Variants in FSTL4 observed in about 807,000 individuals in gnomAD.
FSTL4 encodes follistatin-related protein 4.
A neutral mutation model predicts 78.2 loss-of-function variants in FSTL4; 28 were observed. The observed-to-expected ratio is 0.36, with a 90% CI of 0.27 to 0.49. The LOEUF is 0.49. Ranked by LOEUF, FSTL4 falls within the 20% of genes least tolerant of loss-of-function variation. FSTL4 has a pLI of 0.98. For missense variants in FSTL4, 922 were observed against 1,084.9 expected (o/e 0.85, Z 2.11); for synonymous variants, 422 against 440.5 (o/e 0.96, Z 0.53).
At chr5:133,779,560 T>A in the FSTL4 span, among the ~76,000 whole-genome samples, 6 of 152,090 alleles carry the variant, frequency 3.9e-5, no homozygotes, top group Non-Finnish European at 8.8e-5. Context: ...CATTTCAGCG[T>A]GGGCGACAGA....
intron 3 of FSTL4, among the ~76,000 whole-genome samples, chr5:133,446,265 C>T (rs1757263111): frequency 6.6e-6 from 1 of 152,170 alleles, no homozygotes; most frequent in African/African-American, 2.4e-5. Context: ...CATGGCGAAA[C>T]CCTGTCTCTA....
At chr5:133,651,187 A>T in the FSTL4 span, among the ~76,000 whole-genome samples, 1 of 152,148 alleles carries the variant, frequency 6.6e-6, no homozygotes, top group Non-Finnish European at 1.5e-5. Context: ...GCACACAAAA[A>T]TAGTTTCATT....
chr5:133,603,824 T>A, intron 2 of FSTL4, 34 bp downstream of exon 2: 1 of 1,607,638 alleles, frequency 6.2e-7, no homozygotes, highest in East Asian at 2.2e-5. Context: ...AGCAATCAGT[T>A]TGAAATGTTA....
At chr5:133,606,141 A>C (rs1385920436) in intron 1 of FSTL4, among the ~76,000 whole-genome samples, 1 of 152,148 alleles carries the variant, frequency 6.6e-6, no homozygotes, top group Non-Finnish European at 1.5e-5. Context: ...TTTTCTTGAG[A>C]TGGAGTTTCA....
chr5:133,447,181 G>A (rs1301102143), intron 3 of FSTL4, among the ~76,000 whole-genome samples: 1 of 152,218 alleles, frequency 6.6e-6, no homozygotes, highest in Non-Finnish European at 1.5e-5. Flanking sequence ...TTGGTGAGGT[G>A]TCACCACCAG....
At chr5:133,793,465 C>T in the FSTL4 span, among the ~76,000 whole-genome samples, 8 of 152,244 alleles carry the variant, frequency 5.3e-5, no homozygotes, top group Non-Finnish European at 1.2e-4. Context: ...ATAGGCACTA[C>T]GTTCCCCATT....
chr5:133,596,342 G>C (rs1293969212), intron 2 of FSTL4, among the ~76,000 whole-genome samples: 1 of 152,224 alleles, frequency 6.6e-6, no homozygotes, highest in Non-Finnish European at 1.5e-5. Context: ...CCTCACAGGT[G>C]GGGAGGCGCT....
chr5:133,794,296 A>G, the FSTL4 span, among the ~76,000 whole-genome samples: 1 of 152,248 alleles, frequency 6.6e-6, no homozygotes, highest in Non-Finnish European at 1.5e-5. Context: ...AGCAGACCCC[A>G]CCACGGTTAC....
intron 3 of FSTL4, among the ~76,000 whole-genome samples, chr5:133,455,880 G>A (rs1561723900): frequency 6.6e-6 from 1 of 152,206 alleles, no homozygotes. Context: ...TGCCAGGAAG[G>A]GAATGCCTCC....
the FSTL4 span, among the ~76,000 whole-genome samples, chr5:133,699,339 G>C: frequency 6.6e-6 from 1 of 151,890 alleles, no homozygotes; most frequent in East Asian, 1.9e-4. Context: ...TAAAAACCAG[G>C]CACTCCCCCT....
intron 3 of FSTL4, among the ~76,000 whole-genome samples, chr5:133,430,082 G>A (rs1756903449): frequency 6.6e-6 from 1 of 152,198 alleles, no homozygotes; most frequent in Admixed American, 6.5e-5. Context: ...AAAATGTGAG[G>A]TGCAATTTTT....
At chr5:133,513,776 T>C (rs979383350) in intron 3 of FSTL4, among the ~76,000 whole-genome samples, 4 of 152,088 alleles carry the variant, frequency 2.6e-5, no homozygotes, top group Admixed American at 6.5e-5. Flanking sequence ...GAGTAGAATC[T>C]GTACATTGCG....
chr5:133,617,653 C>A, the FSTL4 span, among the ~76,000 whole-genome samples: 1 of 152,316 alleles, frequency 6.6e-6, no homozygotes, highest in Admixed American at 6.5e-5. Flanking sequence ...CTTTCCCCTT[C>A]CCTGCACCTG....
the FSTL4 span, among the ~76,000 whole-genome samples, chr5:133,716,399 ATT>A: frequency 1.3e-5 from 2 of 149,548 alleles, no homozygotes; most frequent in East Asian, 1.9e-4. Flanking sequence ...ATATATATAT[ATT>A]CTTATATAAA....
At chr5:133,337,904 T>C (rs1206766912) in intron 4 of FSTL4, among the ~76,000 whole-genome samples, 1 of 152,148 alleles carries the variant, frequency 6.6e-6, no homozygotes, top group Non-Finnish European at 1.5e-5. Context: ...GAGGATAGGA[T>C]ACTGTTTGAA....
the FSTL4 span, among the ~76,000 whole-genome samples, chr5:133,753,430 T>C: frequency 3.2e-4 from 49 of 152,210 alleles, no homozygotes; most frequent in African/African-American, 1.2e-3. Flanking sequence ...TAAGGGAGGG[T>C]GGGACCCAGG....
chr5:133,201,685 T>C (rs1256667996), intron 15 of FSTL4, among the ~76,000 whole-genome samples: 2 of 152,206 alleles, frequency 1.3e-5, no homozygotes, highest in African/African-American at 2.4e-5. Context: ...TTCCTGACCT[T>C]TCTGGGCCAC....
At chr5:133,590,711 C>T (rs537571621) in intron 2 of FSTL4, among the ~76,000 whole-genome samples, 5 of 152,258 alleles carry the variant, frequency 3.3e-5, no homozygotes, top group South Asian at 2.1e-4. Flanking sequence ...ATGGGTCAGG[C>T]GTGGACACAG....
At chr5:133,292,690 T>C (rs1426401319) in intron 6 of FSTL4, among the ~76,000 whole-genome samples, 1 of 151,402 alleles carries the variant, frequency 6.6e-6, no homozygotes, top group Non-Finnish European at 1.5e-5. Flanking sequence ...CTGTAGAGCC[T>C]GCCCCCACAA....
Sources: gnomAD v4.1 joint callset for allele counts (sites outside exome capture counted in the v4.1 genomes callset) on GRCh38, gnomAD v4.1.1 for gene constraint, MANE v1.5 for transcripts, NCBI Gene and HGNC (gene_info 2026-07-23, HGNC 2026-07-21) for gene names.